Variants in APLF observed in about 807,000 individuals in gnomAD.
APLF encodes aprataxin and PNK-like factor.
In APLF, 61 loss-of-function variants were observed where a neutral mutation model predicts 55.6. That is an observed-to-expected ratio of 1.10 (90% CI 0.89 to 1.36). The LOEUF (loss-of-function observed/expected upper bound fraction) is 1.36. Ranked by LOEUF, APLF falls within the 40% of genes most tolerant of loss-of-function variation. The pLI is 0.00. For missense variants in APLF, 611 were observed against 602.5 expected (o/e 1.01, Z -0.15); for synonymous variants, 207 against 214.8 (o/e 0.96, Z 0.32).
At chr2:68,496,249 G>A (rs748281451) in intron 2 of APLF, among the ~76,000 whole-genome samples, 11 of 152,050 alleles carry the variant, frequency 7.2e-5, no homozygotes, top group Non-Finnish European at 1.0e-4. Flanking sequence ...CTACAGGCGC[G>A]TGTCACCACG....
At position 68,567,396 on chromosome 2, in the gene APLF, G is replaced by A. The variant is rs6751531; in HGVS notation, c.1333+9G>A. 2.5e-6 allele frequency: 4 copies of A among 1,582,260 alleles called. No individual in the cohort carries two copies. The highest frequency in any genetic ancestry group is 3.4e-6 in the Non-Finnish European group (4 of 1,162,232). Reference sequence around the variant, plus strand: ...ACATAATACGCTTCCAGGTAAGTAAGTTTACTTCAGAAAATTCAAAATGAA... The same window carrying A: ...ACATAATACGCTTCCAGGTAAGTAAATTTACTTCAGAAAATTCAAAATGAA... On this transcript the variant is annotated intron_variant, in intron 9 of 9. Transcript: ENST00000303795.
At chr2:68,482,674 G>C (rs1573154953) in intron 1 of APLF, among the ~76,000 whole-genome samples, 1 of 152,190 alleles carries the variant, frequency 6.6e-6, no homozygotes, top group East Asian at 1.9e-4. Context: ...GAGCCACCAG[G>C]CTGTTTATCC....
At chr2:68,569,726 G>A (rs893735744) in intron 9 of APLF, among the ~76,000 whole-genome samples, 1 of 152,126 alleles carries the variant, frequency 6.6e-6, no homozygotes, top group Non-Finnish European at 1.5e-5. Flanking sequence ...TCATGAACAT[G>A]GAGAGGTTGG....
chr2:68,577,040 A>G (rs1035521274), intron 9 of APLF, among the ~76,000 whole-genome samples: 2 of 152,174 alleles, frequency 1.3e-5, no homozygotes, highest in African/African-American at 4.8e-5. Flanking sequence ...GTATTATAAT[A>G]TTACTTAGAA....
intron 5 of APLF, among the ~76,000 whole-genome samples, chr2:68,517,008 A>G (rs944958980): frequency 1.1e-3 from 134 of 123,272 alleles, no homozygotes; most frequent in African/African-American, 3.8e-3. Flanking sequence ...ATGTTAATAT[A>G]TAATATATAA....
At position 68,538,115 on chromosome 2, in the gene APLF, A is replaced by G. The variant is rs781153101; in HGVS notation, c.1048A>G (p.Asn350Asp). 1 of 1,614,126 alleles carries G rather than the reference A, an allele frequency of 6.2e-7. No homozygotes were observed. The highest frequency in any genetic ancestry group is 1.1e-5 in the South Asian group (1 of 91,086). Residue 350 changes from asparagine to aspartate, a missense_variant, in exon 7 of 10, where the codon AAT (asparagine) becomes GAT (aspartate). Asn to Asp is a conservative substitution (Grantham distance 23). Transcript: ENST00000303795. ...AGGGTCTCATTCTGAGTCCAGCTCT[A>G]ATCCCTCCAATCCTGAAACTTTGCA... ...SQGSHSESSS[N>D]PSNPETLHAK...
rs563779273 is a variant in APLF at position 68,504,730 on chromosome 2, T to TAA, written c.341+1828_341+1829insAA. ...TGAAAGGAAGAAGTAAAACTGTGTTTATTTGCAGATGACATGATTTGTATT... is the reference window on the plus strand; with the variant it reads ...TGAAAGGAAGAAGTAAAACTGTGTTTAAATTTGCAGATGACATGATTTGTATT... On this transcript the variant is annotated intron_variant, in intron 3 of 9. Coordinates refer to ENST00000303795, the MANE Select transcript of APLF (RefSeq NM_173545.3). 6.4e-4 allele frequency among the ~76,000 whole-genome samples: 97 copies of TAA among 152,160 alleles called. 1 individual carries two copies. The East Asian group carries it at 0.018, about 28-fold the overall frequency.
intron 5 of APLF, among the ~76,000 whole-genome samples, chr2:68,519,031 G>GTAATATATT (rs1558540185): frequency 9.5e-6 from 1 of 105,804 alleles, no homozygotes; most frequent in South Asian, 2.4e-4. Flanking sequence ...TATAATATAT[G>GTAATATATT]ATTAATATAT....
chr2:68,487,943 G>C (rs1350897225), intron 1 of APLF, among the ~76,000 whole-genome samples: 1 of 152,112 alleles, frequency 6.6e-6, no homozygotes, highest in Non-Finnish European at 1.5e-5. Flanking sequence ...CTGTTGTGGA[G>C]TTATGTGTCC....
At position 68,529,105 on chromosome 2, in the gene APLF, G is replaced by A. The variant is rs1670167980; in HGVS notation, c.804+2863G>A. ...TGCCTCTGAGACGAGGGATCCTCAC[G>A]GGGCTGAGGTATCCAAACATCCTGG... On this transcript the variant is annotated intron_variant, in intron 6 of 9. Transcript: ENST00000303795. This position sits in a 1 kb window ranked among gnomAD's most constrained non-coding sequence, Gnocchi z 4.4. 5.9e-6 allele frequency: 8 copies of A among 1,367,280 alleles called. No individual in the cohort carries two copies. Among genetic ancestry groups the A allele is most frequent in the South Asian group, 2.5e-5 (2 of 80,218 alleles). The allele number at this position is 1,367,280 out of a possible 1,614,324, so 84.7% of individuals were successfully genotyped here.
rs1030380409 is a variant in APLF at position 68,502,867 on chromosome 2, C to G, written c.305C>G (p.Ser102Cys). 5.6e-6 allele frequency: 9 copies of G among 1,606,238 alleles called. No homozygotes were observed. Among genetic ancestry groups the G allele is most frequent in the African/African-American group, 4.0e-5 (3 of 74,296 alleles). The change falls in exon 3 of 10, where the codon TCT becomes TGT. Residue 102 changes from serine to cysteine, a missense_variant. By Grantham distance (112) the Ser-to-Cys change is moderately radical (BLOSUM62 -1). Transcript: ENST00000303795. ...LVDKYIFRIL[S>C]IPSEVEMQCT... ...GACAAATACATTTTCCGCATTCTCT[C>G]TATACCCTCTGAAGTGGAAATGCAA...
At chr2:68,525,750 T>TTG (rs1197942580) in intron 5 of APLF, among the ~76,000 whole-genome samples, 2 of 130,050 alleles carry the variant, frequency 1.5e-5, no homozygotes, top group African/African-American at 6.2e-5. Flanking sequence ...TTCTTTTTTT[T>TTG]TTTTTTTTTT....
chr2:68,571,522 GT>G (rs1424503994), intron 9 of APLF, among the ~76,000 whole-genome samples: 2 of 152,106 alleles, frequency 1.3e-5, no homozygotes, highest in African/African-American at 4.8e-5. Flanking sequence ...TGGCTAGCCA[GT>G]TTTCCCAGCA....
intron 1 of APLF, among the ~76,000 whole-genome samples, chr2:68,473,208 T>TA (rs1675674625): frequency 6.6e-6 from 1 of 152,196 alleles, no homozygotes; most frequent in African/African-American, 2.4e-5. Context: ...CCCTGGCAAC[T>TA]ACTGAATTCT....
intron 9 of APLF, among the ~76,000 whole-genome samples, chr2:68,574,851 G>T (rs1671579097): frequency 6.6e-6 from 1 of 152,162 alleles, no homozygotes. Context: ...GATCAAAAGT[G>T]TAGGCTAAAA....
chr2:68,542,302 T>A (rs554578831), intron 7 of APLF, among the ~76,000 whole-genome samples: 1 of 150,264 alleles, frequency 6.7e-6, no homozygotes, highest in Admixed American at 6.6e-5. Flanking sequence ...ATAGAAAAAT[T>A]GGACTTTTTA....
chr2:68,485,810 T>C (rs77789149), intron 1 of APLF, among the ~76,000 whole-genome samples: 1 of 96,172 alleles, frequency 1.0e-5, no homozygotes, highest in African/African-American at 8.6e-5. Flanking sequence ...TTATTATCTC[T>C]TTTTTTTTTT....
rs1670372577 is a variant in APLF, at chr2:68,535,908, G to T, written c.805-1964G>T. ...CTTTTCTAAAATCAAGAGAAGAGGG[G>T]CATTCTAAGATAATTACTTGTGGAG... On this transcript the variant is annotated intron_variant, in intron 6 of 9. Coordinates refer to ENST00000303795, the MANE Select transcript of APLF (RefSeq NM_173545.3). 2.0e-5 allele frequency among the ~76,000 whole-genome samples: 3 copies of T among 152,110 alleles called. No individual in the cohort carries two copies. The South Asian group carries it at 6.2e-4, about 32-fold the overall frequency.
intron 9 of APLF, among the ~76,000 whole-genome samples, chr2:68,574,233 A>C (rs370018398): frequency 6.6e-6 from 1 of 152,170 alleles, no homozygotes; most frequent in Non-Finnish European, 1.5e-5. Flanking sequence ...TGAAAGGCAG[A>C]ATTGGATATT....
Sources: allele counts gnomAD v4.1 joint callset (sites outside exome capture counted in the v4.1 genomes callset), GRCh38; gene constraint gnomAD v4.1.1; non-coding constraint Gnocchi (gnomAD v3.1); transcripts MANE v1.5; gene names NCBI Gene and HGNC (gene_info 2026-07-23, HGNC 2026-07-21).